The following PDGFC variants were observed in gnomAD, a reference collection of about 807,000 sequenced individuals.
PDGFC encodes the protein platelet-derived growth factor C.
Under a neutral mutation model 35.5 loss-of-function variants are expected in PDGFC, and 12 were observed. The observed-to-expected ratio is 0.34, with a 90% CI of 0.22 to 0.55. The LOEUF is 0.55. Ranked by LOEUF, PDGFC falls within the 20% of genes least tolerant of loss-of-function variation. PDGFC has a pLI of 0.91. For missense variants in PDGFC, 322 were observed against 412.4 expected (o/e 0.78, Z 1.90); for synonymous variants, 159 against 148.8 (o/e 1.07, Z -0.50).
chr4:156,930,406 C>A (rs573022006), intron 1 of PDGFC, among the ~76,000 whole-genome samples: 1 of 152,228 alleles, frequency 6.6e-6, no homozygotes, highest in South Asian at 2.1e-4. Flanking sequence ...GCTAGCAAAT[C>A]CTAATATCAC....
At chr4:156,790,598 C>T (rs1313322374) in intron 3 of PDGFC, among the ~76,000 whole-genome samples, 1 of 152,118 alleles carries the variant, frequency 6.6e-6, no homozygotes, top group African/African-American at 2.4e-5. Flanking sequence ...ACAATCTTCC[C>T]CCTAAATTGA....
At chr4:156,959,545 C>T (rs1052760781) in intron 1 of PDGFC, among the ~76,000 whole-genome samples, 4 of 152,044 alleles carry the variant, frequency 2.6e-5, no homozygotes, top group African/African-American at 9.7e-5. Flanking sequence ...TCATATAATT[C>T]ACCACTACCG....
chr4:156,888,883 G>GAAA (rs1374073557), intron 1 of PDGFC, among the ~76,000 whole-genome samples: 2 of 152,140 alleles, frequency 1.3e-5, no homozygotes, highest in Non-Finnish European at 2.9e-5. Context: ...GCTCACCCAA[G>GAAA]AAAAACATGC....
intron 1 of PDGFC, among the ~76,000 whole-genome samples, chr4:156,922,835 G>C (rs564878733): frequency 2.2e-4 from 34 of 152,168 alleles, no homozygotes; most frequent in African/African-American, 8.0e-4. Flanking sequence ...ACAAAGAATG[G>C]ATGAGACAGT....
At chr4:156,914,802 C>T (rs750818822) in intron 1 of PDGFC, among the ~76,000 whole-genome samples, 9 of 152,138 alleles carry the variant, frequency 5.9e-5, no homozygotes, top group Non-Finnish European at 8.8e-5. Flanking sequence ...TCCAAAACTA[C>T]AGACTGGAAA....
At chr4:156,797,429 G>T (rs563753699) in intron 3 of PDGFC, among the ~76,000 whole-genome samples, 1 of 152,130 alleles carries the variant, frequency 6.6e-6, no homozygotes, top group South Asian at 2.1e-4. Context: ...AAAAAGGAAA[G>T]TGATACGCAA....
chr4:156,809,595 C>T (rs1201165855), intron 3 of PDGFC, among the ~76,000 whole-genome samples: 2 of 151,862 alleles, frequency 1.3e-5, no homozygotes, highest in East Asian at 3.9e-4. Context: ...TATACTATGT[C>T]TACTATGTAT....
At chr4:156,862,461 TCA>T (rs1729735559) in intron 1 of PDGFC, among the ~76,000 whole-genome samples, 1 of 152,198 alleles carries the variant, frequency 6.6e-6, no homozygotes, top group Admixed American at 6.5e-5. Context: ...TTCCATTTTC[TCA>T]GTTTAGTAAA....
chr4:156,842,123 C>A (rs1218792122), intron 2 of PDGFC: 2 of 152,094 alleles, frequency 1.3e-5, no homozygotes, highest in Non-Finnish European at 2.9e-5. Flanking sequence ...CTAAGTTATT[C>A]TTTGGTTTGT....
At chr4:156,884,617 T>A (rs1057271272) in intron 1 of PDGFC, among the ~76,000 whole-genome samples, 1 of 152,144 alleles carries the variant, frequency 6.6e-6, no homozygotes, top group Admixed American at 6.5e-5. Flanking sequence ...TAATGAAAAA[T>A]TTCAATATTT....
At chr4:156,837,141 T>C (rs1272292151) in intron 2 of PDGFC, among the ~76,000 whole-genome samples, 2 of 152,174 alleles carry the variant, frequency 1.3e-5, no homozygotes, top group Non-Finnish European at 2.9e-5. Flanking sequence ...ATTGATGAGG[T>C]TGAGACAAGA....
At chr4:156,922,572 T>C (rs1455007423) in intron 1 of PDGFC, among the ~76,000 whole-genome samples, 7 of 152,140 alleles carry the variant, frequency 4.6e-5, no homozygotes, top group African/African-American at 2.4e-5. Flanking sequence ...TTCAGGAAGA[T>C]AGGAAGTATC....
At chr4:156,957,284 G>A (rs1358997813) in intron 1 of PDGFC, among the ~76,000 whole-genome samples, 1 of 151,814 alleles carries the variant, frequency 6.6e-6, no homozygotes, top group Non-Finnish European at 1.5e-5. Flanking sequence ...CTTCCATCCT[G>A]GAACCACTAT....
intron 1 of PDGFC, among the ~76,000 whole-genome samples, chr4:156,949,968 T>C (rs911725335): frequency 2.6e-5 from 4 of 151,916 alleles, no homozygotes; most frequent in Admixed American, 1.3e-4. Flanking sequence ...CAAAGGTACA[T>C]AAGCAACAGC....
At chr4:156,894,079 G>C (rs977569614) in intron 1 of PDGFC, among the ~76,000 whole-genome samples, 2 of 152,090 alleles carry the variant, frequency 1.3e-5, no homozygotes, top group African/African-American at 4.8e-5. Context: ...TAATTGATCA[G>C]CTATTCACAT....
At chr4:156,944,591 G>A (rs1328625034) in intron 1 of PDGFC, among the ~76,000 whole-genome samples, 2 of 152,098 alleles carry the variant, frequency 1.3e-5, no homozygotes, top group African/African-American at 4.8e-5. Flanking sequence ...AGATTTTCAA[G>A]ACAAAAACTG....
intron 1 of PDGFC, among the ~76,000 whole-genome samples, chr4:156,898,941 G>C (rs1730699208): frequency 6.6e-6 from 1 of 152,220 alleles, no homozygotes; most frequent in Non-Finnish European, 1.5e-5. Context: ...ACAGGCATGA[G>C]TCACTGAGCC....
rs560687840 is a variant in PDGFC, at chr4:156,960,421, G to A, written c.118+10365C>T. Among the ~76,000 whole-genome samples the A allele has an allele frequency of 6.0e-5, 9 of 151,098 alleles. No individual in the cohort carries two copies. In the South Asian group the frequency reaches 1.9e-3, roughly 32 times the overall value. ...AGAGACTAGACCTCATGGCATACTA[G>A]TGTTCTTATAACTTTAGATGCAGAC... is the stretch of plus-strand genomic sequence containing the variant. On this transcript the variant is annotated intron_variant, in intron 1 of 5. Coordinates refer to ENST00000502773, the MANE Select transcript of PDGFC (RefSeq NM_016205.3).
At position 156,874,291 on chromosome 4, in the gene PDGFC, T is replaced by C. The variant is rs1730056845; in HGVS notation, c.119-23875A>G. 2.6e-5 allele frequency among the ~76,000 whole-genome samples: 4 copies of C among 152,134 alleles called. No homozygotes were observed. The South Asian group carries it at 8.3e-4, about 32-fold the overall frequency. On this transcript the variant is annotated intron_variant, in intron 1 of 5. Coordinates refer to ENST00000502773, the MANE Select transcript of PDGFC (RefSeq NM_016205.3). ...GAAAAAATTAATAGACACCATAAAA[T>C]TACCTTTTTCATAGAATTAAGAAGG...
Sources: allele counts gnomAD v4.1 joint callset (sites outside exome capture counted in the v4.1 genomes callset), GRCh38; gene constraint gnomAD v4.1.1; transcripts MANE v1.5; gene names NCBI Gene and HGNC (gene_info 2026-07-23, HGNC 2026-07-21).